MINDY3: variants seen among roughly 807,000 people sequenced by gnomAD.
MINDY3 encodes the protein MINDY lysine 48 deubiquitinase 3.
A neutral mutation model predicts 69.2 loss-of-function variants in MINDY3; 38 were observed. The ratio of observed to expected loss-of-function variants is 0.55; its 90% CI spans 0.42 to 0.72. The LOEUF (loss-of-function observed/expected upper bound fraction) is 0.72. Ranked by LOEUF, MINDY3 falls within the 30% of genes least tolerant of loss-of-function variation. The probability of loss-of-function intolerance (pLI) is 0.00; values close to 1 mark genes in which losing one functional copy is unlikely to be tolerated. For missense variants in MINDY3, 522 were observed against 519.0 expected, an observed-to-expected ratio of 1.01 and a Z score of -0.06; for synonymous variants, 192 against 180.1, an observed-to-expected ratio of 1.07 and a Z score of -0.53.
intron 13 of MINDY3, among the ~76,000 whole-genome samples, chr10:15,784,825 T>C (rs375467247): frequency 1.5e-4 from 23 of 152,232 alleles, no homozygotes; most frequent in African/African-American, 5.1e-4. Flanking sequence ...GAGTGTTGAG[T>C]CACTATGCAT....
At chr10:15,806,302 G>A (rs1838635128) in intron 10 of MINDY3, among the ~76,000 whole-genome samples, 1 of 152,068 alleles carries the variant, frequency 6.6e-6, no homozygotes, top group Admixed American at 6.6e-5. Context: ...GCTGCACATG[G>A]AGGAATCTCC....
chr10:15,783,624 A>G (rs1204239564), intron 13 of MINDY3, among the ~76,000 whole-genome samples: 1 of 152,226 alleles, frequency 6.6e-6, no homozygotes, highest in African/African-American at 2.4e-5. Context: ...AGAAGGAATC[A>G]TATAGTACTA....
At chr10:15,809,759 A>AT (rs1491506826) in intron 10 of MINDY3, among the ~76,000 whole-genome samples, 30 of 152,110 alleles carry the variant, frequency 2.0e-4, no homozygotes, top group African/African-American at 7.2e-4. Context: ...TCTCATTTAC[A>AT]TAGGGTGGCT....
intron 11 of MINDY3, among the ~76,000 whole-genome samples, chr10:15,791,476 G>T (rs574671220): frequency 6.6e-6 from 1 of 151,946 alleles, no homozygotes; most frequent in Non-Finnish European, 1.5e-5. Context: ...GAAAAAAATA[G>T]AACTTGCATA....
intron 10 of MINDY3, among the ~76,000 whole-genome samples, chr10:15,807,651 A>T (rs139318985): frequency 0.016 from 2,384 of 152,272 alleles, 23 homozygotes; most frequent in Middle Eastern, 0.034. Flanking sequence ...CATTCCTAAC[A>T]GAATACTTCT....
At position 15,789,253 on chromosome 10, in the gene MINDY3, G is replaced by A. The variant is rs1198547185; in HGVS notation, c.1022C>T (p.Pro341Leu). Reference protein sequence around the residue: ...VMKALDLVSDPEYINLMKNKL... With the variant: ...VMKALDLVSDLEYINLMKNKL... Reference sequence around the variant, plus strand: ...CACTTCCTATTTAGCTTACTATTCAGGATCTGAAACAAGGTCCAATGCTTT... The same window carrying A: ...CACTTCCTATTTAGCTTACTATTCAAGATCTGAAACAAGGTCCAATGCTTT... The change falls in exon 12 of 15, where the codon CCT becomes CTT. Residue 341 changes from proline to leucine, a missense_variant. Physicochemically the swap from Pro to Leu is moderately conservative, Grantham distance 98. Coordinates refer to ENST00000277632, the MANE Select transcript of MINDY3 (RefSeq NM_024948.4). 1 of 1,609,096 alleles carries A rather than the reference G, an allele frequency of 6.2e-7. No homozygotes were observed. The highest frequency in any genetic ancestry group is 1.1e-5 in the South Asian group (1 of 90,896).
chr10:15,814,927 A>G (rs1839252655), intron 10 of MINDY3, among the ~76,000 whole-genome samples: 1 of 152,146 alleles, frequency 6.6e-6, no homozygotes, highest in Admixed American at 6.5e-5. Flanking sequence ...CTTGTATTAT[A>G]CCTTCTGTGA....
intron 8 of MINDY3, among the ~76,000 whole-genome samples, chr10:15,825,521 T>A (rs375064771): frequency 5.3e-5 from 8 of 152,212 alleles, no homozygotes; most frequent in East Asian, 3.8e-4. Flanking sequence ...TAACTGATTA[T>A]CTTATATAAA....
At chr10:15,801,900 C>G (rs1260938725) in intron 10 of MINDY3, among the ~76,000 whole-genome samples, 1 of 151,804 alleles carries the variant, frequency 6.6e-6, no homozygotes, top group Non-Finnish European at 1.5e-5. Context: ...GATACCACAT[C>G]AGAAGAAATA....
chr10:15,855,390 T>C (rs1203863502), intron 1 of MINDY3, among the ~76,000 whole-genome samples: 1 of 152,128 alleles, frequency 6.6e-6, no homozygotes, highest in African/African-American at 2.4e-5. Context: ...AGCATTACTT[T>C]TCTTCTCAAG....
intron 4 of MINDY3, among the ~76,000 whole-genome samples, chr10:15,839,436 CAA>C (rs1382407488): frequency 6.6e-6 from 1 of 151,636 alleles, no homozygotes; most frequent in Non-Finnish European, 1.5e-5. Flanking sequence ...GTAATATTAA[CAA>C]GAGGGGAAAA....
intron 4 of MINDY3, 108 bp from the exon 5 acceptor site, chr10:15,838,387 T>C: frequency 1.2e-6 from 1 of 861,094 alleles, no homozygotes; most frequent in Non-Finnish European, 1.7e-6. Context: ...CCCTATTTCC[T>C]TACTCCCTTA....
chr10:15,798,311 C>T (rs1442395631), intron 10 of MINDY3, among the ~76,000 whole-genome samples: 2 of 152,000 alleles, frequency 1.3e-5, no homozygotes, highest in African/African-American at 4.8e-5. Context: ...GGGAAATTAT[C>T]GCTGTTTACA....
chr10:15,852,461 T>C (rs1834373362), intron 1 of MINDY3, among the ~76,000 whole-genome samples: 1 of 152,126 alleles, frequency 6.6e-6, no homozygotes, highest in Non-Finnish European at 1.5e-5. Context: ...GAATGAGAAC[T>C]TGTAAAACAA....
At chr10:15,845,813 ATT>A (rs891710697) in intron 2 of MINDY3, among the ~76,000 whole-genome samples, 19 of 49,330 alleles carry the variant, frequency 3.9e-4, no homozygotes, top group African/African-American at 1.3e-3. Context: ...GGCCTATGTG[ATT>A]TTTTTTTTTT....
At chr10:15,823,873 T>A (rs906833878) in intron 8 of MINDY3, among the ~76,000 whole-genome samples, 1 of 152,182 alleles carries the variant, frequency 6.6e-6, no homozygotes, top group Admixed American at 6.6e-5. Context: ...TTTGTTTAGA[T>A]CCCACATATA....
chr10:15,799,913 G>GT (rs1476295048), intron 10 of MINDY3, among the ~76,000 whole-genome samples: 1 of 152,128 alleles, frequency 6.6e-6, no homozygotes, highest in Non-Finnish European at 1.5e-5. Flanking sequence ...TAGAATATTA[G>GT]TGTTAGACTG....
chr10:15,796,483 AAAAACAAAAAAC>A (rs1837841606), intron 10 of MINDY3, among the ~76,000 whole-genome samples: 1 of 151,794 alleles, frequency 6.6e-6, no homozygotes, highest in Non-Finnish European at 1.5e-5. Flanking sequence ...CATGAAAAAA[AAAAACAAAAAAC>A]AAAACAAACA....
chr10:15,783,503 C>T (rs1836711892), intron 13 of MINDY3, among the ~76,000 whole-genome samples: 1 of 152,002 alleles, frequency 6.6e-6, no homozygotes, highest in African/African-American at 2.4e-5. Flanking sequence ...TTCCTTTTTC[C>T]AGACCTGGTT....
Sources: allele counts gnomAD v4.1 joint callset (sites outside exome capture counted in the v4.1 genomes callset), GRCh38; gene constraint gnomAD v4.1.1; transcripts MANE v1.5; gene names NCBI Gene and HGNC (gene_info 2026-07-23, HGNC 2026-07-21).